The following KDM4A variants were observed in gnomAD, a reference collection of about 807,000 sequenced individuals.
KDM4A encodes the protein lysine demethylase 4A, also known as lysine-specific demethylase 4A.
Under a neutral mutation model 127.1 loss-of-function variants are expected in KDM4A, and 23 were observed. The ratio of observed to expected loss-of-function variants is 0.18; its 90% confidence interval spans 0.13 to 0.26. KDM4A has a LOEUF of 0.26. KDM4A is among the 10% of genes least tolerant of loss of function. The probability of loss-of-function intolerance (pLI) is 1.00; values close to 1 mark genes in which losing one functional copy is unlikely to be tolerated. For synonymous variants in KDM4A, 443 were observed against 466.5 expected (o/e 0.95, Z 0.65); for missense variants, 890 against 1,329.1 (o/e 0.67, Z 5.14).
At chr1:43,678,915 C>T (rs75429827) in intron 11 of KDM4A, among the ~76,000 whole-genome samples, 3 of 152,092 alleles carry the variant, frequency 2.0e-5, no homozygotes, top group Admixed American at 6.5e-5. Context: ...AATATATACA[C>T]GGTATGAGAT....
intron 11 of KDM4A, among the ~76,000 whole-genome samples, chr1:43,681,402 G>A (rs1320918617): frequency 1.3e-5 from 2 of 152,190 alleles, no homozygotes; most frequent in Non-Finnish European, 2.9e-5. Flanking sequence ...TGAACCTGGT[G>A]CTGCGGATTC....
chr1:43,675,276 C>A (rs1660715705), intron 11 of KDM4A, among the ~76,000 whole-genome samples: 1 of 152,178 alleles, frequency 6.6e-6, no homozygotes. Flanking sequence ...TTATGGCATG[C>A]CTACTCTAGG....
chr1:43,703,528 T>A, intron 19 of KDM4A, 89 bp from the exon 20 acceptor site: 1 of 1,523,734 alleles, frequency 6.6e-7, no homozygotes, highest in Non-Finnish European at 9.0e-7. Flanking sequence ...AGTTACTTTG[T>A]CCTGGTTCAC....
chr1:43,696,595 C>T (rs1300092702), intron 18 of KDM4A, among the ~76,000 whole-genome samples: 1 of 152,202 alleles, frequency 6.6e-6, no homozygotes, highest in African/African-American at 2.4e-5. Flanking sequence ...CTCAAGGGCC[C>T]TGCCCTAGCC....
intron 5 of KDM4A, among the ~76,000 whole-genome samples, chr1:43,664,677 C>T (rs1660461078): frequency 6.6e-6 from 1 of 152,166 alleles, no homozygotes; most frequent in African/African-American, 2.4e-5. Context: ...TGATTATCTC[C>T]TAACTACTGT....
chr1:43,674,037 G>A (rs1382610763), intron 11 of KDM4A, among the ~76,000 whole-genome samples: 1 of 152,184 alleles, frequency 6.6e-6, no homozygotes, highest in East Asian at 1.9e-4. Flanking sequence ...TGCCTTCTGG[G>A]TTCAACCCAT....
chr1:43,654,227 C>CA (rs1288991278), intron 2 of KDM4A, among the ~76,000 whole-genome samples: 1 of 151,898 alleles, frequency 6.6e-6, no homozygotes. Context: ...TTAAAGTTAC[C>CA]AAAAAAATGT....
chr1:43,699,354 C>T (rs1661326487), intron 19 of KDM4A, among the ~76,000 whole-genome samples: 1 of 152,156 alleles, frequency 6.6e-6, no homozygotes, highest in South Asian at 2.1e-4. Context: ...ATCTTGGGCC[C>T]CCAAACCACT....
chr1:43,695,668 T>C (rs989494060), intron 18 of KDM4A, among the ~76,000 whole-genome samples: 3 of 152,182 alleles, frequency 2.0e-5, no homozygotes, highest in African/African-American at 7.2e-5. Flanking sequence ...AGGTGGTTGT[T>C]TGAAGAGAGG....
At position 43,669,251 on chromosome 1, in the gene KDM4A, C is replaced by T. The variant is rs751751983; in HGVS notation, c.1315C>T (p.Pro439Ser). 6.2e-7 allele frequency: 1 copy of T among 1,614,178 alleles called. No homozygotes were observed. The highest frequency in any genetic ancestry group is 2.2e-5 in the East Asian group (1 of 44,882). ...ECPAALAPVR[P>S]THSSVRQVED... is the part of the protein sequence containing the mutation. The stretch of plus-strand genomic sequence containing the variant: ...CCCGGCAGCCCTCGCCCCTGTGAGG[C>T]CCACCCATAGCTCTGTGCGGCAAGT... Residue 439 changes from proline to serine, a missense_variant, in exon 10 of 22, where the codon CCC becomes TCC. Transcript: ENST00000372396.
chr1:43,679,264 T>C (rs1371644625), intron 11 of KDM4A, among the ~76,000 whole-genome samples: 3 of 152,204 alleles, frequency 2.0e-5, no homozygotes, highest in African/African-American at 7.2e-5. Context: ...TCCTCATTTC[T>C]TGAGTTACCA....
In KDM4A at chr1:43,693,502, G is replaced by C. The variant is rs1661170818; in HGVS notation, c.2376-492G>C. ...GGTCAGACCTTAAAGATTAAAGAGT[G>C]AGTCAGCTATGGAAAAAGGGAGCAG... On this transcript the variant is annotated intron_variant, in intron 16 of 21. Transcript: ENST00000372396. The surrounding 1 kb of genome is among the most constrained non-coding windows in gnomAD (Gnocchi z 4.2). 1.3e-5 allele frequency among the ~76,000 whole-genome samples: 2 copies of C among 152,230 alleles called. No homozygotes were observed. Among genetic ancestry groups the C allele is most frequent in the Admixed American group, 1.3e-4 (2 of 15,286 alleles).
chr1:43,678,219 A>G (rs1261528804), intron 11 of KDM4A, among the ~76,000 whole-genome samples: 2 of 152,124 alleles, frequency 1.3e-5, no homozygotes, highest in Admixed American at 6.5e-5. Flanking sequence ...GGAGACACAT[A>G]GACATAGCCT....
At position 43,690,833 on chromosome 1, in the gene KDM4A, C is replaced by T. The variant is rs377631065; in HGVS notation, c.2038-12C>T. On this transcript the variant is annotated splice_polypyrimidine_tract_variant and intron_variant, in intron 13 of 21. Coordinates refer to ENST00000372396, the MANE Select transcript of KDM4A (RefSeq NM_014663.3). ...GTGCTCACTGAGGTGTACACTTGTT[C>T]TTTCCCCTTAGGTTGAATTTGGAGG... 2.1e-4 allele frequency: 344 copies of T among 1,613,744 alleles called. 1 individual carries two copies. Among genetic ancestry groups the T allele is most frequent in the Non-Finnish European group, 2.7e-4 (321 of 1,179,736 alleles).
chr1:43,701,433 A>G (rs1661390192), intron 19 of KDM4A, among the ~76,000 whole-genome samples: 1 of 152,212 alleles, frequency 6.6e-6, no homozygotes, highest in Non-Finnish European at 1.5e-5. Context: ...GATGTCTGCC[A>G]GATACCTAAG....
At chr1:43,667,115 A>G (rs755371325) in intron 8 of KDM4A, 24 bp downstream of exon 8, 6 of 1,613,026 alleles carry the variant, frequency 3.7e-6, no homozygotes, top group African/African-American at 2.7e-5. Flanking sequence ...ATTTCTTTCT[A>G]TAACACCATG....
At chr1:43,695,160 G>A (rs1661213861) in intron 18 of KDM4A, among the ~76,000 whole-genome samples, 1 of 152,130 alleles carries the variant, frequency 6.6e-6, no homozygotes, top group Admixed American at 6.5e-5. Context: ...TAAACTCCTT[G>A]AGGGTCCATA....
rs1660223261 is a variant in KDM4A, at chr1:43,655,784, CTT to C, written c.314+19_314+20del. On this transcript the variant is annotated intron_variant, in intron 3 of 21. Coordinates refer to ENST00000372396, the MANE Select transcript of KDM4A (RefSeq NM_014663.3). ...AGCGATAAGTGAGTGGAAACCCTTT[CTT>C]ACCTGACATAGCACCTAGGACCCTG... 1.3e-6 allele frequency: 2 copies of C among 1,595,810 alleles called. No homozygotes were observed. The highest frequency in any genetic ancestry group is 2.7e-5 in the African/African-American group (2 of 74,512).
chr1:43,702,242 G>A (rs536100936), intron 19 of KDM4A: 8 of 152,310 alleles, frequency 5.3e-5, no homozygotes, highest in Non-Finnish European at 1.0e-4. Context: ...GCTGTTATAG[G>A]AGGTGGAACT....
Sources: allele counts gnomAD v4.1 joint callset (sites outside exome capture counted in the v4.1 genomes callset), GRCh38; gene constraint gnomAD v4.1.1; non-coding constraint Gnocchi (gnomAD v3.1); transcripts MANE v1.5; gene names NCBI Gene and HGNC (gene_info 2026-07-23, HGNC 2026-07-21).